Variants in CORO7 observed in about 807,000 individuals in gnomAD.
CORO7 encodes the protein coronin-7.
CORO7 carries 107 observed loss-of-function variants against 126.6 expected under a neutral mutation model. The observed-to-expected ratio is 0.85, with a 90% CI of 0.72 to 0.99. The LOEUF is 0.99. CORO7 is among the 50% of genes least tolerant of loss of function. The pLI is 0.00. For synonymous variants in CORO7, 603 were observed against 536.8 expected (o/e 1.12, Z -1.70); for missense variants, 1,314 against 1,255.8 (o/e 1.05, Z -0.70).
At chr16:4,408,765 C>T (rs1463279237) in intron 3 of CORO7, among the ~76,000 whole-genome samples, 1 of 152,196 alleles carries the variant, frequency 6.6e-6, no homozygotes, top group Non-Finnish European at 1.5e-5. Context: ...GAGTTCAAGA[C>T]CAGCCTGGGC....
chr16:4,390,126 T>C (rs2055335941), intron 7 of CORO7, among the ~76,000 whole-genome samples: 1 of 152,142 alleles, frequency 6.6e-6, no homozygotes, highest in Non-Finnish European at 1.5e-5. Context: ...GAAATCAGTG[T>C]GTCATTCCCT....
At chr16:4,368,834 C>T (rs78192837) in intron 9 of CORO7, among the ~76,000 whole-genome samples, 4,080 of 152,028 alleles carry the variant, frequency 0.027, 115 homozygotes, top group African/African-American at 0.074. Flanking sequence ...GAGGATAGGA[C>T]CAGACTGGCA....
In CORO7 at chr16:4,395,277, CA is replaced by C. The variant is rs1388397455; in HGVS notation, c.615+11del. ...AGGCTTCAACCCACCCCAGCTTGCC[CA>C]CACAACTCACCTGAGAGGCCCGCGG... On this transcript the variant is annotated intron_variant, in intron 7 of 27. Coordinates refer to ENST00000251166, the MANE Select transcript of CORO7 (RefSeq NM_024535.5). The C allele has an allele frequency of 1.2e-6, 2 of 1,613,908 alleles. No homozygotes were observed. The highest frequency in any genetic ancestry group is 1.3e-5 in the African/African-American group (1 of 74,936).
rs1424601944 is a variant in CORO7, at chr16:4,370,071, G to T, written c.786-4526C>A. On this transcript the variant is annotated intron_variant, in intron 9 of 27. Transcript: ENST00000251166. ...GCAGATGGGGTCTCTCCGTCTACAA[G>T]AACCTGCCACAGAGGTGAGAAGCTT... 4.6e-5 allele frequency among the ~76,000 whole-genome samples: 7 copies of T among 152,258 alleles called. No homozygotes were observed. In the East Asian group the frequency reaches 1.4e-3, roughly 29 times the overall value.
chr16:4,402,574 G>T (rs916360650), intron 6 of CORO7, among the ~76,000 whole-genome samples: 2 of 152,174 alleles, frequency 1.3e-5, no homozygotes, highest in Non-Finnish European at 2.9e-5. Flanking sequence ...CTGTGAGGAT[G>T]CGGACAGCGC....
chr16:4,370,562 C>T (rs971853014), intron 9 of CORO7, among the ~76,000 whole-genome samples: 92 of 152,332 alleles, frequency 6.0e-4, no homozygotes, highest in African/African-American at 2.0e-3. Context: ...AACAGAGGTC[C>T]GCAAGCCATG....
At chr16:4,378,332 C>T (rs989014623) in intron 9 of CORO7, among the ~76,000 whole-genome samples, 1 of 152,090 alleles carries the variant, frequency 6.6e-6, no homozygotes, top group Non-Finnish European at 1.5e-5. Context: ...GAGCTGCGGC[C>T]ACAGTGGTGG....
chr16:4,412,650 G>T, intron 2 of CORO7: 1 of 553,336 alleles, frequency 1.8e-6, no homozygotes. Context: ...GAAGACATTA[G>T]GCGAGAGGTC....
At chr16:4,382,026 A>G (rs750620423) in intron 9 of CORO7, 3 of 1,601,688 alleles carry the variant, frequency 1.9e-6, no homozygotes, top group South Asian at 1.1e-5. Context: ...TTAGCCCCAC[A>G]GAGCCGGCCA....
At chr16:4,400,845 G>T (rs1052901862) in intron 6 of CORO7, among the ~76,000 whole-genome samples, 1 of 120,108 alleles carries the variant, frequency 8.3e-6, no homozygotes, top group Non-Finnish European at 1.9e-5. Context: ...TTTACCATTG[G>T]TTCCTCAATT....
rs1198297323 is a variant in CORO7 at position 4,361,489 on chromosome 16, C to T, written c.1579-20G>A. 1 of 1,609,512 alleles carries T rather than the reference C, an allele frequency of 6.2e-7. No homozygotes were observed. Among genetic ancestry groups the T allele is most frequent in the East Asian group, 2.2e-5 (1 of 44,892 alleles). ...CCGTAGCTGTGGGAGGTGCCCCCACCCCGAGGCCCATCAGTACCAGGCAGA... is the reference window on the plus strand; with the variant it reads ...CCGTAGCTGTGGGAGGTGCCCCCACTCCGAGGCCCATCAGTACCAGGCAGA... On this transcript the variant is annotated intron_variant, in intron 16 of 27. Transcript: ENST00000251166.
At chr16:4,398,179 C>G (rs1038090186) in intron 6 of CORO7, among the ~76,000 whole-genome samples, 1 of 152,110 alleles carries the variant, frequency 6.6e-6, no homozygotes, top group Non-Finnish European at 1.5e-5. Flanking sequence ...CTCAGCCTCC[C>G]AAAGTGCTGG....
intron 9 of CORO7, chr16:4,382,985 C>T (rs180928330): frequency 2.2e-6 from 3 of 1,363,494 alleles, no homozygotes; most frequent in East Asian, 2.6e-5. Context: ...CGTAAGTTCT[C>T]AGTCCCAACC....
At chr16:4,370,876 G>C (rs1410253158) in intron 9 of CORO7, among the ~76,000 whole-genome samples, 1 of 152,240 alleles carries the variant, frequency 6.6e-6, no homozygotes, top group African/African-American at 2.4e-5. Flanking sequence ...GGCTGGAGGG[G>C]GTGTGGGTGT....
rs1178765318 is a variant in CORO7, at chr16:4,365,509, G to C, written c.822C>G (p.Leu274=). The change falls in exon 10 of 28, where the codon CTC becomes CTG. Residue 274 remains leucine (L), a synonymous_variant. Coordinates refer to ENST00000251166, the MANE Select transcript of CORO7 (RefSeq NM_024535.5). ...LVPLLDPDSG[L]LVLAGKGERQ... is the part of the protein sequence containing the mutation. ...CACTCACCTTTCCTGCCAGGACCAGGAGCCCAGAGTCAGGGTCCAGCAGAG... is the reference window on the plus strand; with the variant it reads ...CACTCACCTTTCCTGCCAGGACCAGCAGCCCAGAGTCAGGGTCCAGCAGAG... The C allele has an allele frequency of 6.3e-7, 1 of 1,577,996 alleles. No homozygotes were observed. Among genetic ancestry groups the C allele is most frequent in the Admixed American group, 1.8e-5 (1 of 54,704 alleles).
intron 6 of CORO7, among the ~76,000 whole-genome samples, chr16:4,398,053 C>T (rs2055665428): frequency 6.6e-6 from 1 of 152,090 alleles, no homozygotes; most frequent in Non-Finnish European, 1.5e-5. Flanking sequence ...GTATGTGGGA[C>T]CACAGGCACA....
At chr16:4,391,289 C>T (rs1423178037) in intron 7 of CORO7, among the ~76,000 whole-genome samples, 1 of 152,126 alleles carries the variant, frequency 6.6e-6, no homozygotes, top group Non-Finnish European at 1.5e-5. Context: ...GGCACAGTGG[C>T]TCACACCTGT....
chr16:4,413,266 C>T (rs80339972), intron 2 of CORO7, 42 bp downstream of exon 2: 130 of 1,538,830 alleles, frequency 8.4e-5, no homozygotes, highest in African/African-American at 6.6e-4. Context: ...TGACGATGAC[C>T]GAATATGTGA....
chr16:4,413,236 G>A (rs2056280033), intron 2 of CORO7, 72 bp downstream of exon 2: 3 of 1,462,548 alleles, frequency 2.1e-6, no homozygotes, highest in African/African-American at 2.8e-5. Flanking sequence ...GCCTGCCCCT[G>A]CTCCCCACCC....
Sources: gnomAD v4.1 joint callset for allele counts (sites outside exome capture counted in the v4.1 genomes callset) on GRCh38, gnomAD v4.1.1 for gene constraint, MANE v1.5 for transcripts, NCBI Gene and HGNC (gene_info 2026-07-23, HGNC 2026-07-21) for gene names.